RGS22: variants seen among roughly 807,000 people sequenced by gnomAD.
RGS22 encodes the protein regulator of G protein signaling 22.
A neutral mutation model predicts 172.9 loss-of-function variants in RGS22; 148 were observed. The observed-to-expected ratio is 0.86, with a 90% CI of 0.75 to 0.98. RGS22 has a LOEUF of 0.98. RGS22 is among the 50% of genes least tolerant of loss of function. The pLI, the probability that RGS22 is intolerant of heterozygous loss-of-function variation, is 0.00. For synonymous variants in RGS22, 458 were observed against 480.2 expected, an observed-to-expected ratio of 0.95 and a Z score of 0.60; for missense variants, 1,347 against 1,440.8, an observed-to-expected ratio of 0.93 and a Z score of 1.05.
chr8:99,976,111 A>G (rs1271572029), intron 23 of RGS22, among the ~76,000 whole-genome samples: 1 of 152,070 alleles, frequency 6.6e-6, no homozygotes, highest in African/African-American at 2.4e-5. Flanking sequence ...AATCACTTGA[A>G]CCTGGGAAGC....
intron 24 of RGS22, among the ~76,000 whole-genome samples, chr8:99,964,477 C>CAAAAAAA (rs34613354): frequency 1.8e-5 from 1 of 55,260 alleles, no homozygotes; most frequent in Non-Finnish European, 3.8e-5. Flanking sequence ...GACCCTGTCT[C>CAAAAAAA]AAAAAAAAAA....
Position 100,038,973 on chromosome 8 carries a change from G to A in RGS22, c.2124C>T (p.Tyr708=). The A allele has an allele frequency of 6.2e-7, 1 of 1,612,632 alleles. No homozygotes were observed. The highest frequency in any genetic ancestry group is 8.5e-7 in the Non-Finnish European group (1 of 1,179,188). The change falls in exon 14 of 28, where the codon TAC becomes TAT. Residue 708 remains tyrosine, a synonymous_variant. Transcript: ENST00000360863. The part of the protein sequence containing the change: ...FDLQAYHQLF[Y]QETLQPFKVC... ...CTTTAAAAGGCTGAAGTGTTTCTTG[G>A]TAGAAAAGCTGATGATAAGCCTGCA... is the stretch of plus-strand genomic sequence containing the variant.
chr8:100,020,483 C>T (rs1344966320), intron 14 of RGS22, among the ~76,000 whole-genome samples: 2 of 152,066 alleles, frequency 1.3e-5, no homozygotes, highest in Non-Finnish European at 2.9e-5. Context: ...TAAGCACTCT[C>T]CAAAAGGTGG....
chr8:100,063,176 G>A (rs1270770296), intron 8 of RGS22, among the ~76,000 whole-genome samples: 1 of 151,772 alleles, frequency 6.6e-6, no homozygotes, highest in African/African-American at 2.4e-5. Context: ...AGAATGTATG[G>A]GCAGAAACAT....
At chr8:99,991,739 C>A (rs1360120514) in intron 20 of RGS22, among the ~76,000 whole-genome samples, 2 of 152,096 alleles carry the variant, frequency 1.3e-5, no homozygotes, top group Non-Finnish European at 2.9e-5. Context: ...TAAGGCAGGC[C>A]AACATTCAAA....
At position 100,002,606 on chromosome 8, in the gene RGS22, GA is replaced by G. The variant is rs562574305; in HGVS notation, c.2628-243del. 7.2e-3 allele frequency among the ~76,000 whole-genome samples: 1,084 copies of G among 151,230 alleles called. 12 individuals are homozygous for G. Among genetic ancestry groups the G allele is most frequent in the African/African-American group, 0.025 (1,032 of 41,276 alleles). ...TGATGACAAAGGAATTTTGGGATCA[GA>G]AAAAAAAATCCGTCACCATTATTGG... On this transcript the variant is annotated intron_variant, in intron 17 of 27. Coordinates refer to ENST00000360863, the MANE Select transcript of RGS22 (RefSeq NM_015668.5).
At position 100,025,443 on chromosome 8, in the gene RGS22, C is replaced by T. The variant is rs1818076157; in HGVS notation, c.2166+13488G>A. Among the ~76,000 whole-genome samples, 4 of 152,302 alleles carry T rather than the reference C, an allele frequency of 2.6e-5. 1 individual carries two copies. The South Asian group carries it at 8.3e-4, about 32-fold the overall frequency. The stretch of plus-strand genomic sequence containing the variant: ...GTACCTGATTTTCCACATTCAATCA[C>T]CAGCCAACCTCACCCCTCACCCATG... On this transcript the variant is annotated intron_variant, in intron 14 of 27. Coordinates refer to ENST00000360863, the MANE Select transcript of RGS22 (RefSeq NM_015668.5).
At chr8:100,067,816 G>T (rs1415129804) in intron 6 of RGS22, among the ~76,000 whole-genome samples, 4 of 151,642 alleles carry the variant, frequency 2.6e-5, no homozygotes, top group Non-Finnish European at 4.4e-5. Flanking sequence ...GTAGAGATGG[G>T]GTTTCACCAT....
At chr8:100,007,962 G>A (rs1378423768) in intron 15 of RGS22, among the ~76,000 whole-genome samples, 1 of 151,386 alleles carries the variant, frequency 6.6e-6, no homozygotes, top group Non-Finnish European at 1.5e-5. Context: ...TTTTTCTCTT[G>A]CAAGTTAACA....
chr8:100,087,485 T>C (rs1005525718), intron 3 of RGS22, among the ~76,000 whole-genome samples: 2 of 152,180 alleles, frequency 1.3e-5, no homozygotes, highest in Admixed American at 6.6e-5. Flanking sequence ...AAATTGCTGG[T>C]TCCACATTTC....
chr8:100,076,918 G>A (rs1811392896), intron 4 of RGS22, among the ~76,000 whole-genome samples: 1 of 152,098 alleles, frequency 6.6e-6, no homozygotes, highest in African/African-American at 2.4e-5. Flanking sequence ...GCTTGAACCT[G>A]GGAGGCGGAG....
intron 14 of RGS22, among the ~76,000 whole-genome samples, chr8:100,022,185 GC>G (rs1213956378): frequency 6.6e-6 from 1 of 152,150 alleles, no homozygotes; most frequent in Non-Finnish European, 1.5e-5. Context: ...TCTAGGGATT[GC>G]AACGTCTTGA....
At chr8:100,062,787 A>AC in intron 8 of RGS22, 35 bp from the exon 9 acceptor site, 1 of 1,508,010 alleles carries the variant, frequency 6.6e-7, no homozygotes, top group South Asian at 1.2e-5. Context: ...ATACACACAC[A>AC]CATTGGTAGA....
chr8:100,076,544 T>C (rs1811361962), intron 4 of RGS22, among the ~76,000 whole-genome samples: 1 of 152,242 alleles, frequency 6.6e-6, no homozygotes, highest in South Asian at 2.1e-4. Context: ...TACTTCACTT[T>C]TAAGTGTTTG....
intron 24 of RGS22, among the ~76,000 whole-genome samples, chr8:99,964,168 A>C (rs1391202408): frequency 6.6e-6 from 1 of 152,168 alleles, no homozygotes; most frequent in African/African-American, 2.4e-5. Context: ...TGATAAAAAA[A>C]GATTAGAAGC....
At chr8:100,025,581 C>A (rs143538665) in intron 14 of RGS22, among the ~76,000 whole-genome samples, 2 of 152,170 alleles carry the variant, frequency 1.3e-5, no homozygotes, top group Admixed American at 6.5e-5. Flanking sequence ...AGAAGGAGAA[C>A]TTAGCTCGTG....
intron 23 of RGS22, among the ~76,000 whole-genome samples, 155 bp downstream of exon 23, chr8:99,977,761 CA>C (rs1812133012): frequency 6.6e-6 from 1 of 152,062 alleles, no homozygotes; most frequent in African/African-American, 2.4e-5. Context: ...AGAGGAATTC[CA>C]AAAGTCTGAA....
chr8:100,036,781 T>A (rs892240510), intron 14 of RGS22, among the ~76,000 whole-genome samples: 5 of 152,054 alleles, frequency 3.3e-5, no homozygotes, highest in Non-Finnish European at 7.4e-5. Context: ...AAATTTTTTA[T>A]AAAGATGCGG....
intron 3 of RGS22, among the ~76,000 whole-genome samples, chr8:100,087,149 A>C (rs979010833): frequency 6.6e-6 from 1 of 152,174 alleles, no homozygotes; most frequent in Non-Finnish European, 1.5e-5. Flanking sequence ...TAACAATACA[A>C]GACACATAGG....
Sources: gnomAD v4.1 joint callset for allele counts (sites outside exome capture counted in the v4.1 genomes callset) on GRCh38, gnomAD v4.1.1 for gene constraint, MANE v1.5 for transcripts, NCBI Gene and HGNC (gene_info 2026-07-23, HGNC 2026-07-21) for gene names.